Variants in MAU2 observed in about 807,000 individuals in gnomAD.
MAU2 encodes MAU2 sister chromatid cohesion factor.
Under a neutral mutation model 89.1 loss-of-function variants are expected in MAU2, and 9 were observed. That is an observed-to-expected ratio of 0.10 (90% CI 0.06 to 0.18). The LOEUF (loss-of-function observed/expected upper bound fraction) is 0.18, where lower values mean the gene tolerates loss of function less well. MAU2 is among the 10% of genes least tolerant of loss of function. The pLI is 1.00. For missense variants in MAU2, 425 were observed against 803.5 expected (o/e 0.53, Z 5.69); for synonymous variants, 357 against 343.4 (o/e 1.04, Z -0.44).
chr19:19,330,756 T>C (rs532169805), intron 1 of MAU2, among the ~76,000 whole-genome samples: 1 of 151,700 alleles, frequency 6.6e-6, no homozygotes, highest in East Asian at 2.0e-4. Context: ...ACAAAATTAG[T>C]AGGACCTGGT....
intron 3 of MAU2, 29 bp from the exon 4 acceptor site, chr19:19,337,141 C>A (rs777537767): frequency 2.8e-5 from 40 of 1,420,070 alleles, no homozygotes; most frequent in South Asian, 3.8e-5. Flanking sequence ...TTTTTTCTTA[C>A]ATTCCCAAAC....
At chr19:19,336,891 C>T (rs746812482) in intron 3 of MAU2, among the ~76,000 whole-genome samples, 4 of 152,168 alleles carry the variant, frequency 2.6e-5, no homozygotes, top group Non-Finnish European at 4.4e-5. Context: ...AGGGAACTGG[C>T]GTCTGATTTG....
chr19:19,333,707 T>G (rs559871771), intron 1 of MAU2, among the ~76,000 whole-genome samples: 19 of 152,174 alleles, frequency 1.2e-4, no homozygotes, highest in African/African-American at 3.9e-4. Flanking sequence ...AAGGAAAGCT[T>G]CTCCGCCCAA....
At chr19:19,352,366 C>A (rs560913549) in intron 16 of MAU2, 1 of 152,326 alleles carries the variant, frequency 6.6e-6, no homozygotes, top group Admixed American at 6.5e-5. Context: ...GGTGCCCGCC[C>A]ACCGCAACAC....
At chr19:19,347,197 G>T (rs1464951927) in intron 12 of MAU2, 83 bp from the exon 13 acceptor site, 4 of 821,552 alleles carry the variant, frequency 4.9e-6, no homozygotes, top group Non-Finnish European at 8.6e-6. Flanking sequence ...AGTAGTCTCC[G>T]TGGAGATTGT....
rs548975352 is a variant in MAU2, at chr19:19,350,255, C to T, written c.1548+819C>T. Among the ~76,000 whole-genome samples, 20 of 141,498 alleles carry T rather than the reference C, an allele frequency of 1.4e-4. 1 individual carries two copies. The highest frequency in any genetic ancestry group is 1.1e-3 in the South Asian group (5 of 4,442). The allele number at this position is 141,498 out of a possible 152,430, so 92.8% of individuals were successfully genotyped here. Reference sequence around the variant, plus strand: ...AGGTTGCATTGAACGGAGATCATGCCGCTGCACTCCAGCCTGGGCAACAGA... The same window carrying T: ...AGGTTGCATTGAACGGAGATCATGCTGCTGCACTCCAGCCTGGGCAACAGA... On this transcript the variant is annotated intron_variant, in intron 16 of 18. Transcript: ENST00000262815.
chr19:19,331,635 C>T (rs1250787520), intron 1 of MAU2, among the ~76,000 whole-genome samples: 1 of 152,010 alleles, frequency 6.6e-6, no homozygotes, highest in East Asian at 1.9e-4. Context: ...GGTGAGGTGG[C>T]TCACAACTGC....
Position 19,343,841 on chromosome 19 carries a change from G to A in MAU2, c.978G>A (p.Leu326=), listed in dbSNP as rs1481852939. The part of the protein sequence containing the change: ...ALMQLEKLKM[L]DCSPILSSFQ... ...ACCCCTGACTCTCACCCATAGTGCTGGACTGCAGCCCCATCCTGTCATCCT... is the reference window on the plus strand; with the variant it reads ...ACCCCTGACTCTCACCCATAGTGCTAGACTGCAGCCCCATCCTGTCATCCT... The change falls in exon 10 of 19, where the codon CTG becomes CTA. Residue 326 remains leucine (L), a synonymous_variant. Coordinates refer to ENST00000262815, the MANE Select transcript of MAU2 (RefSeq NM_015329.4). The A allele has an allele frequency of 1.9e-6, 3 of 1,612,714 alleles. No homozygotes were observed. The highest frequency in any genetic ancestry group is 2.7e-5 in the African/African-American group (2 of 74,920).
chr19:19,321,368 C>A (rs191665434), intron 1 of MAU2, among the ~76,000 whole-genome samples: 9 of 152,264 alleles, frequency 5.9e-5, no homozygotes, highest in Admixed American at 5.2e-4. Flanking sequence ...TGACAGGGCT[C>A]CAGGAGCCCC....
chr19:19,337,326 T>C lies in MAU2; in HGVS notation c.456+61T>C, dbSNP rs1030386490. On this transcript the variant is annotated intron_variant, in intron 4 of 18. Transcript: ENST00000262815. ...AGGGACCATGACCCTGGGGCACACC[T>C]GCCCCATTTGCAAAGAACAGCAGAG... 3 of 1,343,068 alleles carry C rather than the reference T, an allele frequency of 2.2e-6. No individual in the cohort carries two copies. The African/African-American group carries it at 4.3e-5, about 19-fold the overall frequency. 83.2% of individuals were successfully genotyped at this position (1,343,068 alleles called of 1,614,324 possible). A position where few individuals can be genotyped will look rare whatever the true frequency, so the allele number is the denominator to read the frequency against.
At chr19:19,343,103 G>C (rs1037757528) in intron 9 of MAU2, among the ~76,000 whole-genome samples, 1 of 152,200 alleles carries the variant, frequency 6.6e-6, no homozygotes, top group Non-Finnish European at 1.5e-5. Flanking sequence ...GCCCAGTCAT[G>C]CTCAGTTGAA....
rs965388954 is a variant in MAU2 at position 19,334,594 on chromosome 19, TC to T, written c.277-1123del. Reference sequence around the variant, plus strand: ...ATCCAGGATGGTCTGAAAACTCCCATCTGGGCAGGTGCTTTCATTTTCCACC... The same window carrying T: ...ATCCAGGATGGTCTGAAAACTCCCATTGGGCAGGTGCTTTCATTTTCCACC... On this transcript the variant is annotated intron_variant, in intron 1 of 18. Coordinates refer to ENST00000262815, the MANE Select transcript of MAU2 (RefSeq NM_015329.4). 42 of 985,356 alleles carry T rather than the reference TC, an allele frequency of 4.3e-5. No homozygotes were observed. The African/African-American group carries it at 7.0e-4, about 16-fold the overall frequency. The allele number at this position is 985,356 out of a possible 1,614,324, so 61.0% of individuals were successfully genotyped here. A position where few individuals can be genotyped will look rare whatever the true frequency, so the allele number is the denominator to read the frequency against.
chr19:19,355,444 G>T, intron 18 of MAU2, 53 bp downstream of exon 18: 2 of 1,601,028 alleles, frequency 1.2e-6, no homozygotes, highest in Non-Finnish European at 1.7e-6. Flanking sequence ...CTCCCCACCT[G>T]CAAGAGGAAG....
Position 19,345,020 on chromosome 19 carries a change from C to A in MAU2, c.1155+94C>A. On this transcript the variant is annotated intron_variant, in intron 11 of 18. Transcript: ENST00000262815. The surrounding 1 kb of genome is among the most constrained non-coding windows in gnomAD (Gnocchi z 4.9). ...TCCAGAACATTCCCAGTGAAGGACC[C>A]CCTGACAGCACCCTAATCAGAATCC... The A allele has an allele frequency of 8.9e-7, 1 of 1,119,398 alleles. No homozygotes were observed. Among genetic ancestry groups the A allele is most frequent in the Non-Finnish European group, 1.3e-6 (1 of 753,492 alleles). The allele number at this position is 1,119,398 out of a possible 1,614,324, so 69.3% of individuals were successfully genotyped here.
At chr19:19,331,939 CAGGG>C (rs763707113) in intron 1 of MAU2, among the ~76,000 whole-genome samples, 6 of 152,250 alleles carry the variant, frequency 3.9e-5, no homozygotes, top group Non-Finnish European at 8.8e-5. Context: ...CATTTAAAGA[CAGGG>C]AGAAATCCCA....
chr19:19,335,796 G>T, intron 2 of MAU2, 61 bp downstream of exon 2: 1 of 1,584,072 alleles, frequency 6.3e-7, no homozygotes, highest in Non-Finnish European at 8.7e-7. Flanking sequence ...TAAAAAGAAT[G>T]TATCAAAGCT....
intron 1 of MAU2, among the ~76,000 whole-genome samples, chr19:19,323,886 G>C (rs1897319083): frequency 6.6e-6 from 1 of 152,132 alleles, no homozygotes; most frequent in Non-Finnish European, 1.5e-5. Context: ...TGCACAACAA[G>C]TTATTGACAA....
intron 16 of MAU2, chr19:19,352,523 C>T (rs964201864): frequency 3.3e-5 from 5 of 152,302 alleles, no homozygotes; most frequent in African/African-American, 1.2e-4. Context: ...GTGCTATCAC[C>T]CTGCCCTCAG....
chr19:19,338,398 A>G (rs528541477), intron 4 of MAU2, among the ~76,000 whole-genome samples: 67 of 152,324 alleles, frequency 4.4e-4, no homozygotes, highest in African/African-American at 1.6e-3. Context: ...TTGCAGGGTC[A>G]AGCCAGGCAT....
Sources: allele counts gnomAD v4.1 joint callset (sites outside exome capture counted in the v4.1 genomes callset), GRCh38; gene constraint gnomAD v4.1.1; non-coding constraint Gnocchi (gnomAD v3.1); transcripts MANE v1.5; gene names NCBI Gene and HGNC (gene_info 2026-07-23, HGNC 2026-07-21).